Variants in LRRC4C observed in about 807,000 individuals in gnomAD.
The protein encoded by LRRC4C is leucine-rich repeat-containing protein 4C.
Under a neutral mutation model 33.6 loss-of-function variants are expected in LRRC4C, and 5 were observed. The observed-to-expected ratio is 0.15, with a 90% CI of 0.08 to 0.31. The LOEUF (loss-of-function observed/expected upper bound fraction) is 0.31, where lower values mean the gene tolerates loss of function less well. Ranked by LOEUF, LRRC4C falls within the 10% of genes least tolerant of loss-of-function variation. The pLI is 1.00. For missense variants in LRRC4C, 560 were observed against 796.7 expected (o/e 0.70, Z 3.58); for synonymous variants, 329 against 302.0 (o/e 1.09, Z -0.93).
chr11:40,478,111 T>C (rs1953340810), intron 3 of LRRC4C, among the ~76,000 whole-genome samples: 1 of 152,138 alleles, frequency 6.6e-6, no homozygotes. Flanking sequence ...GTCCATTAAG[T>C]CTCTTTCTTT....
chr11:41,238,454 T>C (rs965310692), intron 1 of LRRC4C, among the ~76,000 whole-genome samples: 2 of 152,326 alleles, frequency 1.3e-5, no homozygotes, highest in African/African-American at 4.8e-5. Context: ...TTAATACTTG[T>C]ATTTGCAGAT....
chr11:41,059,828 C>T (rs1590389293), intron 1 of LRRC4C, among the ~76,000 whole-genome samples: 1 of 152,076 alleles, frequency 6.6e-6, no homozygotes, highest in Non-Finnish European at 1.5e-5. Flanking sequence ...AGTTTCAGAC[C>T]ATGCTGACCA....
intron 2 of LRRC4C, among the ~76,000 whole-genome samples, chr11:40,874,867 T>G (rs536013987): frequency 6.6e-6 from 1 of 152,280 alleles, no homozygotes; most frequent in Non-Finnish European, 1.5e-5. Flanking sequence ...CCGCTGTTTT[T>G]CCCTAAGGAG....
At chr11:40,285,621 C>T (rs1943783482) in intron 4 of LRRC4C, among the ~76,000 whole-genome samples, 1 of 152,124 alleles carries the variant, frequency 6.6e-6, no homozygotes, top group Admixed American at 6.6e-5. Flanking sequence ...TTAGAAGTCA[C>T]TTCTATACTT....
At chr11:40,970,903 T>C (rs879278832) in intron 1 of LRRC4C, among the ~76,000 whole-genome samples, 2 of 152,210 alleles carry the variant, frequency 1.3e-5, no homozygotes, top group African/African-American at 4.8e-5. Context: ...TTGAAAGTGA[T>C]GATTCAGGGT....
At chr11:41,211,184 T>A (rs904102277) in intron 1 of LRRC4C, among the ~76,000 whole-genome samples, 3 of 152,106 alleles carry the variant, frequency 2.0e-5, no homozygotes, top group African/African-American at 7.2e-5. Flanking sequence ...GGAGATGGTA[T>A]TCTAATAAGA....
At chr11:41,226,741 T>TACACACACACACACACACACAC (rs59285418) in intron 1 of LRRC4C, among the ~76,000 whole-genome samples, 29 of 137,156 alleles carry the variant, frequency 2.1e-4, no homozygotes, top group South Asian at 7.3e-4. Flanking sequence ...TCCTTACCAT[T>TACACACACACACACACACACAC]ACACACACAC....
chr11:40,336,956 G>C (rs1020174971), intron 3 of LRRC4C, among the ~76,000 whole-genome samples: 3 of 123,932 alleles, frequency 2.4e-5, no homozygotes, highest in African/African-American at 9.9e-5. Context: ...CAGCCTGGGG[G>C]ACAGAGCGAG....
At chr11:40,634,845 G>C (rs1217386196) in intron 3 of LRRC4C, among the ~76,000 whole-genome samples, 1 of 152,028 alleles carries the variant, frequency 6.6e-6, no homozygotes, top group Admixed American at 6.6e-5. Flanking sequence ...AGCTATGATA[G>C]CGCCATTGTT....
intron 5 of LRRC4C, among the ~76,000 whole-genome samples, chr11:40,159,143 C>T (rs1212683924): frequency 6.6e-6 from 1 of 151,844 alleles, no homozygotes; most frequent in East Asian, 1.9e-4. Flanking sequence ...TTTTTGTACT[C>T]CAAAGAGTCT....
chr11:41,262,161 T>C (rs79192005), intron 1 of LRRC4C, among the ~76,000 whole-genome samples: 106 of 152,220 alleles, frequency 7.0e-4, no homozygotes, highest in African/African-American at 2.5e-3. Flanking sequence ...GCTGGCATAC[T>C]ATGGTCTTTG....
intron 5 of LRRC4C, among the ~76,000 whole-genome samples, chr11:40,208,721 T>C (rs1863347496): frequency 6.6e-6 from 1 of 152,222 alleles, no homozygotes; most frequent in Non-Finnish European, 1.5e-5. Context: ...ATATATAACA[T>C]ATGCATGTAT....
intron 1 of LRRC4C, among the ~76,000 whole-genome samples, chr11:41,304,353 G>T (rs867559762): frequency 0.05 from 2,941 of 59,196 alleles, 14 homozygotes; most frequent in East Asian, 0.15. Flanking sequence ...GAGGTGGGGG[G>T]GTCAGCCCTC....
chr11:40,147,451 C>G (rs975777461), intron 5 of LRRC4C, among the ~76,000 whole-genome samples: 1 of 152,054 alleles, frequency 6.6e-6, no homozygotes, highest in African/African-American at 2.4e-5. Context: ...GCTCAAATTT[C>G]TAGATTCCAA....
At chr11:40,425,669 G>A (rs138981418) in intron 3 of LRRC4C, among the ~76,000 whole-genome samples, 2 of 152,252 alleles carry the variant, frequency 1.3e-5, no homozygotes, top group East Asian at 3.9e-4. Flanking sequence ...ATAGTGGAAA[G>A]GAAAATGAAA....
At chr11:40,122,412 C>CTT (rs1311912086) in intron 6 of LRRC4C, among the ~76,000 whole-genome samples, 2 of 152,098 alleles carry the variant, frequency 1.3e-5, no homozygotes, top group Non-Finnish European at 2.9e-5. Flanking sequence ...CTCCCTTCCC[C>CTT]CACATCCCAA....
At chr11:40,936,336 G>GTTT (rs34468606) in intron 1 of LRRC4C, among the ~76,000 whole-genome samples, 11 of 112,714 alleles carry the variant, frequency 9.8e-5, no homozygotes, top group Non-Finnish European at 1.3e-4. Context: ...TCTAACACTT[G>GTTT]TTTTTTTTTT....
chr11:40,929,630 T>A (rs962623964), intron 2 of LRRC4C, among the ~76,000 whole-genome samples: 2 of 152,132 alleles, frequency 1.3e-5, no homozygotes, highest in African/African-American at 4.8e-5. Context: ...TTTTATTTTT[T>A]TTGAGACAGA....
intron 3 of LRRC4C, among the ~76,000 whole-genome samples, chr11:40,387,462 G>A (rs1471209999): frequency 2.0e-5 from 3 of 152,056 alleles, no homozygotes; most frequent in Non-Finnish European, 2.9e-5. Flanking sequence ...TTCACTCTAC[G>A]CACAGTACCC....
Sources: gnomAD v4.1 joint callset for allele counts (sites outside exome capture counted in the v4.1 genomes callset) on GRCh38, gnomAD v4.1.1 for gene constraint, MANE v1.5 for transcripts, NCBI Gene and HGNC (gene_info 2026-07-23, HGNC 2026-07-21) for gene names.